NREP: variants seen among roughly 807,000 people sequenced by gnomAD.
The protein encoded by NREP is neuronal regeneration-related protein.
Under a neutral mutation model 8.6 loss-of-function variants are expected in NREP, and 5 were observed. That is an observed-to-expected ratio of 0.58 (90% confidence interval 0.30 to 1.22). NREP has a LOEUF of 1.22. Ranked by LOEUF, NREP falls within the 50% of genes most tolerant of loss-of-function variation. The pLI, the probability that NREP is intolerant of heterozygous loss-of-function variation, is 0.07. For missense variants in NREP, 86 were observed against 82.5 expected (o/e 1.04, Z -0.17); for synonymous variants, 27 against 28.0 (o/e 0.96, Z 0.11).
Position 111,974,916 on chromosome 5 carries a change from C to T in NREP, c.135+358G>A, listed in dbSNP as rs78182026. Among the ~76,000 whole-genome samples, 2,081 of 152,248 alleles carry T rather than the reference C, an allele frequency of 0.014. 168 individuals carry two copies. The East Asian group carries it at 0.23, about 17-fold the overall frequency. ...AAGGAGTTTGGAGAAAAGGAAAGAGCCAGTGATCACATACTGAGAACAAAG... is the reference window on the plus strand; with the variant it reads ...AAGGAGTTTGGAGAAAAGGAAAGAGTCAGTGATCACATACTGAGAACAAAG... On this transcript the variant is annotated intron_variant, in intron 2 of 3. Coordinates refer to the NREP transcript ENST00000395634.
intron 2 of NREP, among the ~76,000 whole-genome samples, chr5:111,902,226 T>A (rs932713344): frequency 6.6e-6 from 1 of 152,026 alleles, no homozygotes; most frequent in African/African-American, 2.4e-5. Context: ...TAAATGGTGC[T>A]GGGAAAACTA....
chr5:111,924,190 C>A (rs1581222845), intron 2 of NREP, among the ~76,000 whole-genome samples: 2 of 152,126 alleles, frequency 1.3e-5, no homozygotes, highest in East Asian at 3.9e-4. Flanking sequence ...AACTTTATAT[C>A]CCCTATTGGC....
chr5:111,898,023 G>T (rs934490405), intron 2 of NREP, among the ~76,000 whole-genome samples: 1 of 151,996 alleles, frequency 6.6e-6, no homozygotes, highest in Non-Finnish European at 1.5e-5. Flanking sequence ...TTGTAACCTT[G>T]GGAGAGAATG....
chr5:111,743,735 G>C (rs958926507), intron 2 of NREP, among the ~76,000 whole-genome samples: 1 of 152,004 alleles, frequency 6.6e-6, no homozygotes, highest in South Asian at 2.1e-4. Context: ...CACATTCCAA[G>C]GTTAATAGGA....
At chr5:111,908,441 C>T (rs1472477105) in intron 2 of NREP, among the ~76,000 whole-genome samples, 2 of 152,012 alleles carry the variant, frequency 1.3e-5, no homozygotes, top group Non-Finnish European at 2.9e-5. Flanking sequence ...TTCCTCCCCA[C>T]TCTAGGAGTC....
At chr5:111,863,382 T>C (rs1753595593) in intron 2 of NREP, among the ~76,000 whole-genome samples, 1 of 152,112 alleles carries the variant, frequency 6.6e-6, no homozygotes, top group African/African-American at 2.4e-5. Context: ...AATATCCAAA[T>C]AGAGAAGTCG....
chr5:111,823,843 T>C (rs1191252899), intron 2 of NREP, among the ~76,000 whole-genome samples: 2 of 152,208 alleles, frequency 1.3e-5, no homozygotes, highest in Non-Finnish European at 2.9e-5. Context: ...TAAAGTCAGA[T>C]GACAAACAGG....
At chr5:111,968,680 C>T (rs921856708) in intron 2 of NREP, among the ~76,000 whole-genome samples, 12 of 152,206 alleles carry the variant, frequency 7.9e-5, no homozygotes, top group African/African-American at 2.9e-4. Flanking sequence ...AGAATTCCCT[C>T]CTTAATGTGT....
chr5:111,794,818 A>C (rs1368009509), intron 2 of NREP, among the ~76,000 whole-genome samples: 1 of 152,158 alleles, frequency 6.6e-6, no homozygotes, highest in Non-Finnish European at 1.5e-5. Flanking sequence ...ACCCTAATGT[A>C]AACGATGGCC....
intron 2 of NREP, among the ~76,000 whole-genome samples, chr5:111,903,786 T>G (rs988505046): frequency 2.0e-5 from 3 of 152,182 alleles, no homozygotes; most frequent in Non-Finnish European, 4.4e-5. Context: ...TGGAGACATT[T>G]CTTCTCTAGA....
At chr5:111,928,009 T>G (rs1755436589) in intron 2 of NREP, among the ~76,000 whole-genome samples, 1 of 152,116 alleles carries the variant, frequency 6.6e-6, no homozygotes, top group South Asian at 2.1e-4. Context: ...CAGAAATCTG[T>G]GTGAGGAAAA....
chr5:111,749,655 TG>T (rs1388620994), intron 2 of NREP, among the ~76,000 whole-genome samples: 2 of 151,964 alleles, frequency 1.3e-5, no homozygotes, highest in African/African-American at 4.8e-5. Flanking sequence ...TACATGGGGG[TG>T]CAACTGATTA....
intron 2 of NREP, among the ~76,000 whole-genome samples, chr5:111,953,864 T>C (rs1257049668): frequency 6.6e-6 from 1 of 152,080 alleles, no homozygotes; most frequent in Non-Finnish European, 1.5e-5. Context: ...ATGTAATATA[T>C]TTAGGGAAGT....
intron 2 of NREP, among the ~76,000 whole-genome samples, chr5:111,835,136 C>A (rs1351264930): frequency 1.3e-5 from 2 of 152,256 alleles, no homozygotes; most frequent in Non-Finnish European, 2.9e-5. Flanking sequence ...TAGTTGATTT[C>A]CTATTCAATA....
At chr5:111,738,606 T>C (rs921371471) in intron 2 of NREP, 1 of 124,140 alleles carries the variant, frequency 8.1e-6, no homozygotes, top group African/African-American at 2.5e-5. Context: ...CACTGTTAGG[T>C]TGTGGGAATT....
intron 2 of NREP, among the ~76,000 whole-genome samples, chr5:111,822,870 A>C (rs1752541103): frequency 6.6e-6 from 1 of 152,380 alleles, no homozygotes; most frequent in South Asian, 2.1e-4. Context: ...AATGGAGAAC[A>C]TCAACATATC....
chr5:111,734,147 A>C (rs957140534), intron 3 of NREP: 1 of 152,454 alleles, frequency 6.6e-6, no homozygotes, highest in Non-Finnish European at 1.5e-5. Flanking sequence ...TGAACTCATC[A>C]AGGAACTATG....
At chr5:111,961,467 C>T (rs1187407240) in intron 2 of NREP, among the ~76,000 whole-genome samples, 1 of 152,126 alleles carries the variant, frequency 6.6e-6, no homozygotes, top group East Asian at 1.9e-4. Flanking sequence ...GATGTAAGAC[C>T]GTTTTTCTCC....
chr5:111,766,814 G>A (rs1003929944), intron 2 of NREP, among the ~76,000 whole-genome samples: 5 of 152,182 alleles, frequency 3.3e-5, no homozygotes, highest in African/African-American at 1.2e-4. Flanking sequence ...AAGAAAGGGT[G>A]GGTGAGTGAA....
Sources: allele counts gnomAD v4.1 joint callset (sites outside exome capture counted in the v4.1 genomes callset), GRCh38; gene constraint gnomAD v4.1.1; transcripts MANE v1.5; gene names NCBI Gene and HGNC (gene_info 2026-07-23, HGNC 2026-07-21).